LRP5: variants seen among roughly 807,000 people sequenced by gnomAD.
LRP5 encodes the protein low-density lipoprotein receptor-related protein 5.
Under a neutral mutation model 154.1 loss-of-function variants are expected in LRP5, and 62 were observed. That is an observed-to-expected ratio of 0.40 (90% confidence interval 0.33 to 0.50). The LOEUF (loss-of-function observed/expected upper bound fraction) is 0.50, where lower values mean the gene tolerates loss of function less well. Ranked by LOEUF, LRP5 falls within the 20% of genes least tolerant of loss-of-function variation. The pLI is 0.55. For missense variants in LRP5, 1,915 were observed against 2,336.7 expected (o/e 0.82, Z 3.72); for synonymous variants, 966 against 1,011.5 (o/e 0.96, Z 0.85).
intron 1 of LRP5, among the ~76,000 whole-genome samples, chr11:68,343,742 G>C (rs1045438766): frequency 6.6e-6 from 1 of 152,110 alleles, no homozygotes. Context: ...CTGCCCTCAG[G>C]CCTCAGTGCT....
At chr11:68,298,934 G>A in the LRP5 span, among the ~76,000 whole-genome samples, 1 of 152,168 alleles carries the variant, frequency 6.6e-6, no homozygotes, top group African/African-American at 2.4e-5. Context: ...GGAAGGGCGG[G>A]GTGAGAGCCG....
chr11:68,439,400 C>T (rs945396315), intron 20 of LRP5, among the ~76,000 whole-genome samples: 2 of 152,160 alleles, frequency 1.3e-5, no homozygotes, highest in Admixed American at 6.5e-5. Flanking sequence ...CTCTGGGGAG[C>T]GGGGTTATCT....
chr11:68,413,759 C>T lies in LRP5; in HGVS notation c.2574C>T (p.Ile858=), dbSNP rs140411171. Residue 858 remains isoleucine (I), a synonymous_variant, in exon 12 of 23, where the codon ATC becomes ATT. Coordinates refer to ENST00000294304, the MANE Select transcript of LRP5 (RefSeq NM_002335.4). This position sits in a 1 kb window ranked among gnomAD's most constrained non-coding sequence, Gnocchi z 5.1. The part of the protein sequence containing the change: ...PFGLTQYSDY[I]YWTDWNLHSI... ...GTCTGACGCAGTACAGCGATTATAT[C>T]TACTGGACAGACTGGAATCTGCACA... 6.2e-6 allele frequency: 10 copies of T among 1,613,562 alleles called. No homozygotes were observed. The African/African-American group carries it at 1.2e-4, about 19-fold the overall frequency.
chr11:68,351,339 C>T (rs2153132079), intron 2 of LRP5, among the ~76,000 whole-genome samples: 1 of 152,224 alleles, frequency 6.6e-6, no homozygotes, highest in Non-Finnish European at 1.5e-5. Context: ...CTCTGTTCCG[C>T]TTGGTGAACT....
At chr11:68,438,294 TC>T (rs2098676126) in intron 19 of LRP5, 151 bp from the exon 20 acceptor site, 8 of 798,938 alleles carry the variant, frequency 1.0e-5, no homozygotes, top group Non-Finnish European at 1.7e-5. Flanking sequence ...TTGGCCAGGC[TC>T]CCCAGGCCTA....
In LRP5 at chr11:68,438,782, C is replaced by G; in HGVS notation, c.4348+100C>G. Reference sequence around the variant, plus strand: ...GGATGTGCTACCCCAGGCCCTCTTGCACATGTGGCAGACATTGCTAATCGA... The same window carrying G: ...GGATGTGCTACCCCAGGCCCTCTTGGACATGTGGCAGACATTGCTAATCGA... On this transcript the variant is annotated intron_variant, in intron 20 of 22. Transcript: ENST00000294304. 8 of 993,306 alleles carry G rather than the reference C, an allele frequency of 8.1e-6. No individual in the cohort carries two copies. The South Asian group carries it at 1.2e-4, about 15-fold the overall frequency. The allele number at this position is 993,306 out of a possible 1,614,324, so 61.5% of individuals were successfully genotyped here.
intron 7 of LRP5, among the ~76,000 whole-genome samples, chr11:68,396,724 C>A (rs1370681706): frequency 2.9e-4 from 2 of 6,960 alleles, no homozygotes; most frequent in Non-Finnish European, 6.6e-4. Flanking sequence ...CTGACTGACA[C>A]ACACAGGGTT....
chr11:68,396,750 G>A (rs915505410), intron 7 of LRP5, among the ~76,000 whole-genome samples: 4 of 152,020 alleles, frequency 2.6e-5, no homozygotes, highest in South Asian at 2.1e-4. Context: ...CCCATCCTGC[G>A]ACCAGCTGTT....
intron 19 of LRP5, 111 bp from the exon 20 acceptor site, chr11:68,438,335 C>G: frequency 9.5e-7 from 1 of 1,057,612 alleles, no homozygotes; most frequent in South Asian, 1.3e-5. Flanking sequence ...TTCTCCCCAC[C>G]CTCCACCAGT....
At chr11:68,379,074 A>G (rs1398955364) in intron 5 of LRP5, among the ~76,000 whole-genome samples, 1 of 152,042 alleles carries the variant, frequency 6.6e-6, no homozygotes, top group Non-Finnish European at 1.5e-5. Context: ...AAAATAAATA[A>G]ATACATAAAT....
At chr11:68,409,067 A>AT (rs1299244059) in intron 9 of LRP5, among the ~76,000 whole-genome samples, 1,505 of 43,706 alleles carry the variant, frequency 0.034, 19 homozygotes, top group Middle Eastern at 0.12. Flanking sequence ...AAAAAAAAAA[A>AT]AAAAAAATAT....
At chr11:68,374,790 G>A (rs561143424) in intron 5 of LRP5, among the ~76,000 whole-genome samples, 1 of 152,222 alleles carries the variant, frequency 6.6e-6, no homozygotes, top group East Asian at 1.9e-4. Flanking sequence ...TCTGCTTTTT[G>A]GCCTGAATAC....
At chr11:68,351,119 C>A (rs901878031) in intron 2 of LRP5, among the ~76,000 whole-genome samples, 1 of 152,134 alleles carries the variant, frequency 6.6e-6, no homozygotes, top group African/African-American at 2.4e-5. Context: ...GGGTGGGACA[C>A]GGTGGAATTT....
chr11:68,300,979 G>A, the LRP5 span, among the ~76,000 whole-genome samples: 1 of 147,596 alleles, frequency 6.8e-6, no homozygotes, highest in Non-Finnish European at 1.5e-5. Flanking sequence ...GCCCAGGCTG[G>A]AGTGCAATGA....
intron 1 of LRP5, among the ~76,000 whole-genome samples, chr11:68,333,204 G>A (rs1364467036): frequency 6.6e-6 from 1 of 152,208 alleles, no homozygotes; most frequent in African/African-American, 2.4e-5. Context: ...AAACGTGGAT[G>A]TGGGGAAGGT....
In LRP5 at chr11:68,395,348, G is replaced by C. The variant is rs183905347; in HGVS notation, c.1584+5296G>C. ...AAAAGACCAACCGAGGAATTGAAGT[G>C]GGGGGGCGTCACAGTAGCAGAAGGG... On this transcript the variant is annotated intron_variant, in intron 7 of 22. Transcript: ENST00000294304. Among the ~76,000 whole-genome samples the C allele has an allele frequency of 1.0e-4, 15 of 149,998 alleles. No individual in the cohort carries two copies. In the East Asian group the frequency reaches 1.9e-3, roughly 19 times the overall value.
chr11:68,364,358 A>ATGTGTG (rs113821152), intron 4 of LRP5, among the ~76,000 whole-genome samples: 4,943 of 145,486 alleles, frequency 0.034, 99 homozygotes, highest in Non-Finnish European at 0.052. Context: ...ATACATATAT[A>ATGTGTG]TGTGTGTGTG....
At chr11:68,414,692 C>T (rs992402944) in intron 12 of LRP5, among the ~76,000 whole-genome samples, 1 of 152,242 alleles carries the variant, frequency 6.6e-6, no homozygotes, top group Admixed American at 6.5e-5. Flanking sequence ...ATTCCCTACG[C>T]AGAACTTGAT....
chr11:68,374,269 G>A (rs1006960637), intron 5 of LRP5, among the ~76,000 whole-genome samples: 24 of 152,296 alleles, frequency 1.6e-4, no homozygotes, highest in East Asian at 5.8e-4. Context: ...CGCTCAGCTC[G>A]GGGCCGAATA....
Sources: allele counts gnomAD v4.1 joint callset (sites outside exome capture counted in the v4.1 genomes callset), GRCh38; gene constraint gnomAD v4.1.1; non-coding constraint Gnocchi (gnomAD v3.1); transcripts MANE v1.5; gene names NCBI Gene and HGNC (gene_info 2026-07-23, HGNC 2026-07-21).